The following EPHA6 variants were observed in gnomAD, a reference collection of about 807,000 sequenced individuals.
The protein encoded by EPHA6 is EPH receptor A6.
A neutral mutation model predicts 112.0 loss-of-function variants in EPHA6; 50 were observed. The ratio of observed to expected loss-of-function variants is 0.45; its 90% CI spans 0.36 to 0.56. The LOEUF (loss-of-function observed/expected upper bound fraction) is 0.56. Ranked by LOEUF, EPHA6 falls within the 20% of genes least tolerant of loss-of-function variation. The pLI, the probability that EPHA6 is intolerant of heterozygous loss-of-function variation, is 0.00. For missense variants in EPHA6, 1,280 were observed against 1,417.4 expected (o/e 0.90, Z 1.56); for synonymous variants, 529 against 490.7 (o/e 1.08, Z -1.03).
intron 10 of EPHA6, among the ~76,000 whole-genome samples, chr3:97,518,070 T>G (rs551498562): frequency 2.0e-5 from 3 of 152,300 alleles, no homozygotes; most frequent in East Asian, 3.9e-4. Context: ...TGCAGATAGC[T>G]CATCAGCATA....
chr3:97,412,258 C>T (rs1194928310), intron 6 of EPHA6, among the ~76,000 whole-genome samples: 1 of 152,048 alleles, frequency 6.6e-6, no homozygotes, highest in Non-Finnish European at 1.5e-5. Context: ...GAATTTCAGT[C>T]CCAGCCTGAT....
At chr3:97,108,912 G>A (rs961894155) in intron 3 of EPHA6, among the ~76,000 whole-genome samples, 4 of 152,106 alleles carry the variant, frequency 2.6e-5, no homozygotes, top group Non-Finnish European at 5.9e-5. Flanking sequence ...CCATGTAGAT[G>A]TTCAAAGCTA....
intron 2 of EPHA6, among the ~76,000 whole-genome samples, chr3:96,931,347 G>A (rs771780874): frequency 7.9e-5 from 12 of 152,104 alleles, no homozygotes; most frequent in Non-Finnish European, 1.8e-4. Flanking sequence ...TTTCTTGTCT[G>A]GACTGTTTGG....
At chr3:96,918,669 A>G (rs1288253933) in intron 2 of EPHA6, among the ~76,000 whole-genome samples, 1 of 152,042 alleles carries the variant, frequency 6.6e-6, no homozygotes, top group African/African-American at 2.4e-5. Context: ...TATGGGAAAA[A>G]TATGTATTTC....
chr3:97,745,491 A>G (rs951034281), intron 16 of EPHA6: 4 of 389,080 alleles, frequency 1.0e-5, no homozygotes, highest in African/African-American at 8.5e-5. Flanking sequence ...AGAATTGAGT[A>G]GTGTTAAAAA....
intron 14 of EPHA6, among the ~76,000 whole-genome samples, chr3:97,671,826 T>C (rs2030866459): frequency 6.6e-6 from 1 of 151,922 alleles, no homozygotes; most frequent in African/African-American, 2.4e-5. Flanking sequence ...AGATTTTCAA[T>C]GTCAAAAAGA....
At chr3:97,202,493 G>T (rs1237127846) in intron 3 of EPHA6, among the ~76,000 whole-genome samples, 1 of 151,768 alleles carries the variant, frequency 6.6e-6, no homozygotes, top group Middle Eastern at 3.2e-3. Flanking sequence ...CTCCATGCCC[G>T]GCTAGGTTTT....
chr3:97,267,577 T>C (rs1183885853), intron 5 of EPHA6, among the ~76,000 whole-genome samples: 1 of 152,178 alleles, frequency 6.6e-6, no homozygotes, highest in East Asian at 1.9e-4. Context: ...ATGTTTATAT[T>C]TGCTATCTCT....
chr3:96,816,424 G>T (rs749407772), intron 1 of EPHA6, among the ~76,000 whole-genome samples: 6 of 152,074 alleles, frequency 3.9e-5, no homozygotes, highest in Non-Finnish European at 8.8e-5. Context: ...TATTTTCAAA[G>T]ACTGTGGGTA....
At chr3:96,867,864 T>C (rs1304745793) in intron 2 of EPHA6, among the ~76,000 whole-genome samples, 2 of 151,964 alleles carry the variant, frequency 1.3e-5, no homozygotes, top group Non-Finnish European at 2.9e-5. Context: ...TATTTTCAAC[T>C]AAAATATCCT....
At chr3:96,913,622 C>T (rs970634475) in intron 2 of EPHA6, among the ~76,000 whole-genome samples, 2 of 152,036 alleles carry the variant, frequency 1.3e-5, no homozygotes, top group African/African-American at 4.8e-5. Context: ...CTGAGATGCT[C>T]AGTGTCTGAT....
chr3:97,394,286 A>G (rs2086579834), intron 5 of EPHA6, among the ~76,000 whole-genome samples: 1 of 151,886 alleles, frequency 6.6e-6, no homozygotes, highest in Non-Finnish European at 1.5e-5. Flanking sequence ...TGGATTAAAG[A>G]CATGAATGTA....
At chr3:97,254,684 G>A (rs1004014976) in intron 5 of EPHA6, among the ~76,000 whole-genome samples, 3 of 152,078 alleles carry the variant, frequency 2.0e-5, no homozygotes, top group East Asian at 1.9e-4. Context: ...GAGGCAAGAC[G>A]CACATATGCC....
At chr3:97,481,118 G>A (rs1234560169) in intron 9 of EPHA6, 1 of 597,076 alleles carries the variant, frequency 1.7e-6, no homozygotes. Context: ...GGGAGGCCAA[G>A]GCAGGTGGCT....
intron 3 of EPHA6, among the ~76,000 whole-genome samples, chr3:97,178,351 T>C (rs1247446125): frequency 6.6e-6 from 1 of 152,150 alleles, no homozygotes; most frequent in Non-Finnish European, 1.5e-5. Flanking sequence ...AGTTTATCAT[T>C]TAGTCTTTCT....
chr3:97,405,094 G>A (rs2087253111), intron 5 of EPHA6, 56 bp from the exon 6 acceptor site: 2 of 1,532,958 alleles, frequency 1.3e-6, no homozygotes, highest in Non-Finnish European at 1.8e-6. Flanking sequence ...ATTAAAGAAA[G>A]GATAATGGAA....
chr3:97,432,835 C>T (rs1296099822), intron 6 of EPHA6, among the ~76,000 whole-genome samples: 6 of 152,104 alleles, frequency 3.9e-5, no homozygotes, highest in African/African-American at 7.2e-5. Flanking sequence ...CTCACTATCA[C>T]GAGAACAGCA....
At chr3:97,040,300 T>G (rs530566907) in intron 3 of EPHA6, among the ~76,000 whole-genome samples, 2 of 152,074 alleles carry the variant, frequency 1.3e-5, no homozygotes, top group African/African-American at 4.8e-5. Flanking sequence ...TGAAATATAT[T>G]CAGCATAAAA....
At chr3:97,073,741 GCAT>G (rs1222008721) in intron 3 of EPHA6, among the ~76,000 whole-genome samples, 115 of 152,002 alleles carry the variant, frequency 7.6e-4, no homozygotes, top group Non-Finnish European at 8.1e-4. Context: ...AATAGCCTAT[GCAT>G]CTATAAGTAT....
Sources: allele counts gnomAD v4.1 joint callset (sites outside exome capture counted in the v4.1 genomes callset), GRCh38; gene constraint gnomAD v4.1.1; transcripts MANE v1.5; gene names NCBI Gene and HGNC (gene_info 2026-07-23, HGNC 2026-07-21).